The following GUCY2F variants were observed in gnomAD, a reference collection of about 807,000 sequenced individuals.
The protein encoded by GUCY2F is retinal guanylyl cyclase 2.
GUCY2F carries 61 observed loss-of-function variants against 73.1 expected under a neutral mutation model. That is an observed-to-expected ratio of 0.83 (90% confidence interval 0.68 to 1.03). The LOEUF is 1.03. Ranked by LOEUF, GUCY2F falls within the 50% of genes least tolerant of loss-of-function variation. GUCY2F has a pLI of 0.00. For missense variants in GUCY2F, 912 were observed against 854.3 expected (o/e 1.07, Z -0.84); for synonymous variants, 331 against 307.8 (o/e 1.08, Z -0.79).
intron 17 of GUCY2F, among the ~76,000 whole-genome samples, chrX:109,379,469 C>T (rs765221698): frequency 8.9e-6 from 1 of 112,276 alleles, no homozygotes; most frequent in East Asian, 2.8e-4. Context: ...TAAATCATAA[C>T]ATCACTTTGT....
In GUCY2F at chrX:109,461,321, T is replaced by C. The variant is rs182283959; in HGVS notation, c.1032+3821A>G. 3.8e-3 allele frequency among the ~76,000 whole-genome samples: 430 copies of C among 112,534 alleles called. 1 individual carries two copies. Among genetic ancestry groups the C allele is most frequent in the Non-Finnish European group, 5.8e-3 (311 of 53,198 alleles). ...GGAGGCCTTATAGACTGCTTTGTTA[T>C]TGATATAAACCTTTTAGCATTTCTT... On this transcript the variant is annotated intron_variant, in intron 3 of 19. Transcript: ENST00000218006.
chrX:109,455,662 A>G (rs1008226951), intron 3 of GUCY2F, among the ~76,000 whole-genome samples: 2 of 111,070 alleles, frequency 1.8e-5, no homozygotes, highest in African/African-American at 6.5e-5. Context: ...GTCTCTCTTC[A>G]TACTGGAGTG....
In GUCY2F at chrX:109,414,564, A is replaced by G. The variant is rs186291917; in HGVS notation, c.1792-5396T>C. ...CTGAGAGACAGACCGGGGACAAATG[A>G]TGAACAAAATGTTACATGGTTTCTG... On this transcript the variant is annotated intron_variant, in intron 8 of 19. Coordinates refer to ENST00000218006, the MANE Select transcript of GUCY2F (RefSeq NM_001522.3). 2.3e-3 allele frequency among the ~76,000 whole-genome samples: 261 copies of G among 112,123 alleles called. 4 individuals carry two copies. Among genetic ancestry groups the G allele is most frequent in the African/African-American group, 6.9e-3 (213 of 30,877 alleles).
At chrX:109,432,239 T>C (rs1931632870) in intron 7 of GUCY2F, among the ~76,000 whole-genome samples, 1 of 111,852 alleles carries the variant, frequency 8.9e-6, no homozygotes, top group Non-Finnish European at 1.9e-5. Context: ...TTTCCTCGTA[T>C]TTATGGAACT....
chrX:109,423,312 T>G (rs1931409328), intron 8 of GUCY2F, among the ~76,000 whole-genome samples: 1 of 111,961 alleles, frequency 8.9e-6, no homozygotes, highest in South Asian at 3.7e-4. Context: ...AGTTTGCTAA[T>G]CCCTATTTTA....
intron 8 of GUCY2F, among the ~76,000 whole-genome samples, chrX:109,424,913 C>CCCA (rs934659562): frequency 7.2e-5 from 8 of 110,558 alleles, no homozygotes; most frequent in Non-Finnish European, 1.3e-4. Context: ...ATTACAGATG[C>CCCA]CCACCACCAC....
chrX:109,453,511 G>A lies in GUCY2F; in HGVS notation c.1381C>T (p.His461Tyr). 1 of 1,185,237 alleles carries A rather than the reference G, an allele frequency of 8.4e-7. No individual in the cohort carries two copies. The change falls in exon 4 of 20, where the codon CAT becomes TAT. Residue 461 changes from histidine (H) to tyrosine (Y), a missense_variant. Physicochemically the swap from His to Tyr is moderately conservative, Grantham distance 83. Coordinates refer to ENST00000218006, the MANE Select transcript of GUCY2F (RefSeq NM_001522.3). The stretch of plus-strand genomic sequence containing the variant: ...GTGATTTTGCATTCCTTACCTCCAT[G>A]GCAGATCTTCCCTTCTGCAAACCAG... Reference protein sequence around the residue: ...KCWFAEGKICHGGIDPAFAMM... With the variant: ...KCWFAEGKICYGGIDPAFAMM...
chrX:109,470,394 T>C (rs1395501094), intron 2 of GUCY2F, among the ~76,000 whole-genome samples: 1 of 112,024 alleles, frequency 8.9e-6, no homozygotes, highest in African/African-American at 3.2e-5. Flanking sequence ...TCCCTATTGA[T>C]GCTAAGGCTC....
At chrX:109,410,675 G>A (rs970995844) in intron 8 of GUCY2F, among the ~76,000 whole-genome samples, 10 of 112,399 alleles carry the variant, frequency 8.9e-5, no homozygotes, top group Admixed American at 3.7e-4. Context: ...GTATTTTGTT[G>A]TGAAATGTGT....
At chrX:109,474,553 T>C (rs1241344569) in intron 2 of GUCY2F, among the ~76,000 whole-genome samples, 1 of 112,061 alleles carries the variant, frequency 8.9e-6, no homozygotes, top group Non-Finnish European at 1.9e-5. Flanking sequence ...GAATCGTCTT[T>C]GAACATTAAG....
chrX:109,415,209 G>A (rs1457249010), intron 8 of GUCY2F, among the ~76,000 whole-genome samples: 3 of 112,111 alleles, frequency 2.7e-5, no homozygotes, highest in Admixed American at 9.4e-5. Flanking sequence ...TTTCTTCCCT[G>A]AGGACATCTG....
At chrX:109,373,728 T>C (rs113939944) in intron 19 of GUCY2F, among the ~76,000 whole-genome samples, 65 of 112,590 alleles carry the variant, frequency 5.8e-4, no homozygotes, top group African/African-American at 2.0e-3. Flanking sequence ...TGATTAATTG[T>C]TTCTCACCCT....
At chrX:109,471,807 G>C (rs1932580558) in intron 2 of GUCY2F, among the ~76,000 whole-genome samples, 2 of 111,929 alleles carry the variant, frequency 1.8e-5, no homozygotes, top group African/African-American at 6.5e-5. Context: ...GAGACTCACA[G>C]GTATTGTAAA....
At chrX:109,401,328 G>A (rs1235084342) in intron 10 of GUCY2F, among the ~76,000 whole-genome samples, 2 of 111,770 alleles carry the variant, frequency 1.8e-5, no homozygotes, top group Non-Finnish European at 3.8e-5. Context: ...GAGAGCTACT[G>A]TGGTATAGTA....
intron 7 of GUCY2F, 125 bp downstream of exon 7, chrX:109,441,226 C>A: frequency 2.5e-6 from 1 of 393,853 alleles, no homozygotes; most frequent in Non-Finnish European, 4.4e-6. Flanking sequence ...TAAGCAAACA[C>A]AGACACCAAA....
chrX:109,375,533 G>A (rs1930157359), intron 19 of GUCY2F, among the ~76,000 whole-genome samples: 1 of 112,377 alleles, frequency 8.9e-6, no homozygotes, highest in Non-Finnish European at 1.9e-5. Flanking sequence ...CTAGACAGAT[G>A]TAAGTCTCTA....
chrX:109,430,536 C>A, intron 7 of GUCY2F, 140 bp from the exon 8 acceptor site: 1 of 457,088 alleles, frequency 2.2e-6, no homozygotes, highest in South Asian at 3.7e-5. Context: ...CCCTCCACCT[C>A]ACAGACATTC....
In GUCY2F at chrX:109,453,729, T is replaced by C. The variant is rs757520881; in HGVS notation, c.1163A>G (p.His388Arg). 1.7e-6 allele frequency: 2 copies of C among 1,197,266 alleles called. No homozygotes were observed. Among genetic ancestry groups the C allele is most frequent in the South Asian group, 1.8e-5 (1 of 56,659 alleles). ...LVQHSRNMQFHGFNQLMRTDS... is the reference protein window; with the variant it reads ...LVQHSRNMQFRGFNQLMRTDS... ...TGTCCTCATCAACTGGTTGAATCCA[T>C]GGAACTGCATGTTTCTGGAATGCTG... Residue 388 changes from histidine to arginine, a missense_variant, in exon 4 of 20, where the codon CAT becomes CGT. Transcript: ENST00000218006.
At chrX:109,398,865 A>C (rs924730960) in intron 10 of GUCY2F, among the ~76,000 whole-genome samples, 167 bp from the exon 11 acceptor site, 5 of 111,768 alleles carry the variant, frequency 4.5e-5, no homozygotes, top group African/African-American at 1.6e-4. Flanking sequence ...TATTCTTCTA[A>C]GGAATTATGA....
Sources: gnomAD v4.1 joint callset for allele counts (sites outside exome capture counted in the v4.1 genomes callset) on GRCh38, gnomAD v4.1.1 for gene constraint, MANE v1.5 for transcripts, NCBI Gene and HGNC (gene_info 2026-07-23, HGNC 2026-07-21) for gene names.